Variants in SLC2A14 observed in about 807,000 individuals in gnomAD.
The protein encoded by SLC2A14 is solute carrier family 2, facilitated glucose transporter member 14.
In SLC2A14, 13 loss-of-function variants were observed where a neutral mutation model predicts 43.0. The observed-to-expected ratio is 0.30, with a 90% confidence interval of 0.20 to 0.48. The LOEUF is 0.48. Ranked by LOEUF, SLC2A14 falls within the 20% of genes least tolerant of loss-of-function variation. The pLI is 0.99. For synonymous variants in SLC2A14, 190 were observed against 233.8 expected (o/e 0.81, Z 1.71); for missense variants, 428 against 620.4 (o/e 0.69, Z 3.29).
chr12:7,842,047 C>T (rs933918329), intron 2 of SLC2A14, among the ~76,000 whole-genome samples: 6 of 151,862 alleles, frequency 4.0e-5, no homozygotes, highest in African/African-American at 1.5e-4. Context: ...CACCTCCCTT[C>T]CCTACTCCTC....
Position 7,831,717 on chromosome 12 carries a change from G to A in SLC2A14, c.159C>T (p.Ala53=), listed in dbSNP as rs775672804. ...TCGTGAGCAGCACCTCAGAGGGAGG[G>A]GCATTTGCCTTGTCCGTCAAAGTTT... ...INKTLTDKAN[A]PPSEVLLTNL... The change falls in exon 4 of 11, where the codon GCC becomes GCT. Residue 53 remains alanine (A), a synonymous_variant. Coordinates refer to ENST00000431042, the MANE Select transcript of SLC2A14 (RefSeq NM_001286234.2). 1.2e-6 allele frequency: 2 copies of A among 1,614,062 alleles called. No individual in the cohort carries two copies. The highest frequency in any genetic ancestry group is 1.1e-5 in the South Asian group (1 of 91,086).
At chr12:7,849,378 C>A (rs1444379974) in intron 2 of SLC2A14, among the ~76,000 whole-genome samples, 1 of 151,932 alleles carries the variant, frequency 6.6e-6, no homozygotes, top group Non-Finnish European at 1.5e-5. Context: ...GTGGCGCCCA[C>A]CTGTGGTCCT....
At chr12:7,838,490 A>T (rs769408925) in intron 2 of SLC2A14, among the ~76,000 whole-genome samples, 2 of 152,174 alleles carry the variant, frequency 1.3e-5, no homozygotes, top group South Asian at 2.1e-4. Context: ...CCCTTTTGCA[A>T]TGGGAATGTC....
chr12:7,890,862 T>A, intron 1 of SLC2A14: 1 of 956,372 alleles, frequency 1.0e-6, no homozygotes, highest in East Asian at 2.9e-5. Context: ...TGAGTCTTGG[T>A]GGCCTTGACA....
At chr12:7,819,954 GA>G (rs1352227407) in intron 8 of SLC2A14, among the ~76,000 whole-genome samples, 1 of 38,132 alleles carries the variant, frequency 2.6e-5, no homozygotes, top group Non-Finnish European at 5.3e-5. Flanking sequence ...ACGCTACAGA[GA>G]GGCCAACAAA....
At chr12:7,853,877 TAG>T (rs931844074) in intron 2 of SLC2A14, among the ~76,000 whole-genome samples, 1 of 152,172 alleles carries the variant, frequency 6.6e-6, no homozygotes, top group African/African-American at 2.4e-5. Context: ...TGAATGTGCT[TAG>T]AAAAGTGTGT....
At chr12:7,874,285 C>T (rs1471689846), upstream of SLC2A14, among the ~76,000 whole-genome samples, 1 of 152,070 alleles carries the variant, frequency 6.6e-6, no homozygotes, top group Non-Finnish European at 1.5e-5. Context: ...AATTCCACTC[C>T]TAGGTATACA....
Position 7,850,419 on chromosome 12 carries a change from G to A in SLC2A14, c.19-17605C>T, listed in dbSNP as rs111763433. On this transcript the variant is annotated intron_variant, in intron 2 of 10. Transcript: ENST00000431042. The stretch of plus-strand genomic sequence containing the variant: ...TTTATTATTATTATTTTTTTGAGAC[G>A]GAGTCTCGCTCTGTCACCAGGCTTG... Among the ~76,000 whole-genome samples the A allele has an allele frequency of 4.7e-3, 711 of 151,992 alleles. 7 individuals carry two copies. Among genetic ancestry groups the A allele is most frequent in the African/African-American group, 9.3e-3 (387 of 41,488 alleles).
chr12:7,873,468 C>A (rs898894759), upstream of SLC2A14: 12 of 525,720 alleles, frequency 2.3e-5, no homozygotes, highest in Non-Finnish European at 2.9e-5. Context: ...ATGGCGAAAC[C>A]CAGTCTTTAC....
Position 7,828,583 on chromosome 12 carries a change from C to T in SLC2A14, c.676+121G>A, listed in dbSNP as rs965200628. ...AAAAACAAAGTAGAGTAATCAGAAC[C>T]ATCTTCACTTGGATTCTGACGGGCA... is the stretch of plus-strand genomic sequence containing the variant. On this transcript the variant is annotated intron_variant, in intron 6 of 10. Transcript: ENST00000431042. 2.6e-5 allele frequency: 28 copies of T among 1,081,988 alleles called. No homozygotes were observed. In the Middle Eastern group the frequency reaches 1.4e-3, roughly 53 times the overall value. 67.0% of individuals were successfully genotyped at this position (1,081,988 alleles called of 1,614,324 possible). A position where few individuals can be genotyped will look rare whatever the true frequency, so the allele number is the denominator to read the frequency against.
intron 7 of SLC2A14, among the ~76,000 whole-genome samples, chr12:7,827,270 CTTTTTTTTTTTTT>C (rs71038780): frequency 2.0e-5 from 2 of 99,248 alleles, no homozygotes; most frequent in South Asian, 7.1e-4. Flanking sequence ...TAATTTTTGT[CTTTTTTTTTTTTT>C]TTTTTTTTTA....
chr12:7,828,251 G>T (rs1222324518), intron 6 of SLC2A14, among the ~76,000 whole-genome samples: 2 of 151,906 alleles, frequency 1.3e-5, no homozygotes, highest in Admixed American at 6.6e-5. Context: ...TGTAGTCCCA[G>T]CTACTCGGGA....
At chr12:7,869,563 A>G (rs930971958) in intron 2 of SLC2A14, among the ~76,000 whole-genome samples, 1 of 152,190 alleles carries the variant, frequency 6.6e-6, no homozygotes, top group African/African-American at 2.4e-5. Context: ...AACCAGTTGC[A>G]TATGATTATT....
At chr12:7,875,162 AT>A (rs1373842612), upstream of SLC2A14, among the ~76,000 whole-genome samples, 18 of 136,528 alleles carry the variant, frequency 1.3e-4, no homozygotes, top group Admixed American at 4.1e-4. Flanking sequence ...AATTAAATAT[AT>A]ATATTTAATT....
upstream of SLC2A14, chr12:7,872,922 G>A (rs1945320847): frequency 1.0e-6 from 1 of 985,302 alleles, no homozygotes; most frequent in African/African-American, 1.7e-5. Flanking sequence ...TAACTGCCTC[G>A]AAAAGCCTAG....
At chr12:7,871,888 A>C (rs1466299811) in intron 1 of SLC2A14, 1 of 984,442 alleles carries the variant, frequency 1.0e-6, no homozygotes, top group African/African-American at 1.7e-5. Context: ...GCAGCCACCC[A>C]TCGTGGGAGT....
chr12:7,860,574 G>C (rs1247486535), intron 2 of SLC2A14: 1 of 152,356 alleles, frequency 6.6e-6, no homozygotes, highest in Non-Finnish European at 1.5e-5. Flanking sequence ...CAAAGGAAAA[G>C]AATCCCAGCA....
chr12:7,846,725 G>A (rs1269788353), intron 2 of SLC2A14, among the ~76,000 whole-genome samples: 2 of 133,104 alleles, frequency 1.5e-5, no homozygotes, highest in African/African-American at 5.2e-5. Flanking sequence ...TCTGCCTCCT[G>A]GGTTCAAGCG....
chr12:7,853,221 A>C (rs1028360581), intron 2 of SLC2A14, among the ~76,000 whole-genome samples: 1 of 151,890 alleles, frequency 6.6e-6, no homozygotes, highest in Non-Finnish European at 1.5e-5. Flanking sequence ...TGGATGGATC[A>C]TGAGGTCAGG....
Sources: gnomAD v4.1 joint callset for allele counts (sites outside exome capture counted in the v4.1 genomes callset) on GRCh38, gnomAD v4.1.1 for gene constraint, MANE v1.5 for transcripts, NCBI Gene and HGNC (gene_info 2026-07-23, HGNC 2026-07-21) for gene names.